Variants in COL6A1 observed in about 807,000 individuals in gnomAD.
COL6A1 encodes the protein collagen type VI alpha 1 chain, also known as collagen alpha-1(VI) chain.
Under a neutral mutation model 145.6 loss-of-function variants are expected in COL6A1, and 80 were observed. That is an observed-to-expected ratio of 0.55 (90% CI 0.46 to 0.66). The LOEUF is 0.66. Ranked by LOEUF, COL6A1 falls within the 30% of genes least tolerant of loss-of-function variation. The pLI, the probability that COL6A1 is intolerant of heterozygous loss-of-function variation, is 0.00. For missense variants in COL6A1, 1,364 were observed against 1,473.8 expected, an observed-to-expected ratio of 0.93 and a Z score of 1.22; for synonymous variants, 638 against 622.8, an observed-to-expected ratio of 1.02 and a Z score of -0.36.
At position 46,004,204 on chromosome 21, in the gene COL6A1, T is replaced by G; in HGVS notation, c.*191T>G. 2.6e-6 allele frequency: 2 copies of G among 761,174 alleles called. No individual in the cohort carries two copies. The highest frequency in any genetic ancestry group is 4.2e-6 in the Non-Finnish European group (2 of 478,168). The allele number at this position is 761,174 out of a possible 1,614,324, so 47.2% of individuals were successfully genotyped here. A position where few individuals can be genotyped will look rare whatever the true frequency, so the allele number is the denominator to read the frequency against. On this transcript the variant is annotated 3_prime_UTR_variant, in exon 35 of 35. Transcript: ENST00000361866. ...GGGTCCTCCGGGGCTCAGCCCTGAG[T>G]TGGCATCACCTGCGCAGGGCCCTCT...
chr21:45,987,226 A>C (rs768584912), intron 6 of COL6A1, 51 bp downstream of exon 6: 1 of 1,568,148 alleles, frequency 6.4e-7, no homozygotes, highest in South Asian at 1.1e-5. Flanking sequence ...ACGTCCACCC[A>C]CACGTCCACC....
At chr21:45,999,862 G>GTGAAGATCATAGGGGGACGTA (rs1569518861) in intron 27 of COL6A1, among the ~76,000 whole-genome samples, 170 bp downstream of exon 27, 3 of 117,476 alleles carry the variant, frequency 2.6e-5, no homozygotes, top group Non-Finnish European at 5.6e-5. Context: ...GGGAGGACCC[G>GTGAAGATCATAGGGGGACGTA]TGAGGATCAT....
intron 18 of COL6A1, 84 bp from the exon 19 acceptor site, chr21:45,992,664 G>A: frequency 1.4e-6 from 2 of 1,392,892 alleles, no homozygotes; most frequent in African/African-American, 1.4e-5. Context: ...GGGGGAGTCA[G>A]TCCAGGCCAG....
In COL6A1 at chr21:45,989,652, G is replaced by T; in HGVS notation, c.903G>T (p.Lys301Asn). The stretch of plus-strand genomic sequence containing the variant: ...GACCTGTTGGGTACCAGGGAATGAA[G>T]GTACGTGCCCCCCCTTTCCTGGCCC... ...DLGPVGYQGM[K>N]GEKGSRGEKG... The change falls in exon 10 of 35, where the codon AAG (lysine) becomes AAT (asparagine). Residue 301 changes from lysine (K) to asparagine (N), a missense_variant and splice_region_variant. Lys to Asn is a moderately conservative substitution (Grantham distance 94). Coordinates refer to ENST00000361866, the MANE Select transcript of COL6A1 (RefSeq NM_001848.3). 6.2e-7 allele frequency: 1 copy of T among 1,613,170 alleles called. No homozygotes were observed. The highest frequency in any genetic ancestry group is 8.5e-7 in the Non-Finnish European group (1 of 1,179,998).
At chr21:45,999,999 T>TGG (rs1556430376) in intron 27 of COL6A1, among the ~76,000 whole-genome samples, 4 of 3,518 alleles carry the variant, frequency 1.1e-3, no homozygotes, top group African/African-American at 2.1e-3. Flanking sequence ...GTGAGGATCA[T>TGG]GGGGGACCCG....
Position 45,981,877 on chromosome 21 carries a change from C to T in COL6A1, c.27C>T (p.Pro9=). ...TGAGGGCGGCCCGTGCTCTGCTGCC[C>T]CTGCTGCTGCAGGCCTGCTGGACAG... MRAARALL[P]LLLQACWTAA... is the part of the protein sequence containing the mutation. Residue 9 remains proline (P), a synonymous_variant, in exon 1 of 35, where the codon CCC becomes CCT. Transcript: ENST00000361866. 1 of 1,599,446 alleles carries T rather than the reference C, an allele frequency of 6.3e-7. No homozygotes were observed. Among genetic ancestry groups the T allele is most frequent in the Non-Finnish European group, 8.5e-7 (1 of 1,175,030 alleles).
intron 9 of COL6A1, 115 bp from the exon 10 acceptor site, chr21:45,989,490 AGGG>A: frequency 9.7e-7 from 1 of 1,030,786 alleles, no homozygotes. Context: ...CCCGTGCAGC[AGGG>A]CCCCTCTCTC....
In COL6A1 at chr21:46,003,313, C is replaced by T. The variant is rs372700572; in HGVS notation, c.2465-78C>T. On this transcript the variant is annotated intron_variant, in intron 34 of 34. Coordinates refer to ENST00000361866, the MANE Select transcript of COL6A1 (RefSeq NM_001848.3). ...ACCGTGCCGTGCCCTCTCTGGGGAG[C>T]TTAGACGCTCTCTGGCCGGCCCACT... 1,100 of 1,602,610 alleles carry T rather than the reference C, an allele frequency of 6.9e-4. 10 individuals are homozygous for T. The African/African-American group carries it at 0.013, about 19-fold the overall frequency.
chr21:45,990,873 A>G (rs757819596), intron 14 of COL6A1, 47 bp downstream of exon 14: 1 of 1,610,980 alleles, frequency 6.2e-7, no homozygotes, highest in Non-Finnish European at 8.5e-7. Flanking sequence ...CGCTGTCAGC[A>G]GCACCTCGTG....
chr21:45,997,206 C>G (rs1418496079), intron 20 of COL6A1, among the ~76,000 whole-genome samples: 1 of 151,388 alleles, frequency 6.6e-6, no homozygotes, highest in East Asian at 2.0e-4. Flanking sequence ...CAGCTGGGCG[C>G]CCACCGAAGG....
chr21:45,995,168 C>T (rs546852385), intron 20 of COL6A1, among the ~76,000 whole-genome samples: 61 of 152,346 alleles, frequency 4.0e-4, no homozygotes, highest in African/African-American at 1.4e-3. Flanking sequence ...AGATGAGGAC[C>T]AGGGCAGGGC....
intron 11 of COL6A1, among the ~76,000 whole-genome samples, chr21:45,989,992 C>A (rs948080331): frequency 3.9e-5 from 6 of 151,966 alleles, no homozygotes; most frequent in Non-Finnish European, 7.4e-5. Flanking sequence ...CACCCCACCC[C>A]AGAGCAGGGG....
intron 19 of COL6A1, among the ~76,000 whole-genome samples, chr21:45,993,102 A>G (rs565020459): frequency 6.6e-6 from 1 of 152,200 alleles, no homozygotes; most frequent in African/African-American, 2.4e-5. Flanking sequence ...TCTTTGGAAT[A>G]ATTTTCCTTA....
chr21:45,987,106 C>A (rs755507811), intron 5 of COL6A1, 34 bp downstream of exon 5: 1 of 1,570,846 alleles, frequency 6.4e-7, no homozygotes, highest in Non-Finnish European at 8.6e-7. Flanking sequence ...GGGAGGCCCG[C>A]GGCGGCCGCA....
chr21:45,987,639 C>T lies in COL6A1; in HGVS notation c.789C>T (p.Gly263=), dbSNP rs148364156. ...CAAGAGGACCTCCGGGGCTCCGGGGCGACCCCGGCTTTGAGGTGAGTGGTG... is the reference window on the plus strand; with the variant it reads ...CAAGAGGACCTCCGGGGCTCCGGGGTGACCCCGGCTTTGAGGTGAGTGGTG... The part of the protein sequence containing the change: ...QPARGPPGLR[G]DPGFEGERGK... The change falls in exon 8 of 35, where the codon GGC becomes GGT. Residue 263 remains glycine (G), a synonymous_variant. Coordinates refer to ENST00000361866, the MANE Select transcript of COL6A1 (RefSeq NM_001848.3). 27 of 1,610,092 alleles carry T rather than the reference C, an allele frequency of 1.7e-5. No homozygotes were observed. The highest frequency in any genetic ancestry group is 1.2e-4 in the African/African-American group (9 of 74,882).
intron 3 of COL6A1, 102 bp from the exon 4 acceptor site, chr21:45,986,424 T>TCCTCCCGGTGAGACAGGGACCAGCA (rs1195106943): frequency 4.0e-5 from 47 of 1,183,514 alleles, no homozygotes; most frequent in Middle Eastern, 4.2e-4. Flanking sequence ...GAGAGGCGGC[T>TCCTCCCGGTGAGACAGGGACCAGCA]CCTCCCGGTG....
At chr21:45,989,490 A>G (rs1257732883) in intron 9 of COL6A1, 118 bp from the exon 10 acceptor site, 1 of 1,030,664 alleles carries the variant, frequency 9.7e-7, no homozygotes, top group Non-Finnish European at 1.5e-6. Context: ...CCCGTGCAGC[A>G]GGGCCCCTCT....
At position 45,998,909 on chromosome 21, in the gene COL6A1, T is replaced by A; in HGVS notation, c.1624T>A (p.Tyr542Asn). 6.4e-7 allele frequency: 1 copy of A among 1,555,634 alleles called. No individual in the cohort carries two copies. The highest frequency in any genetic ancestry group is 8.7e-7 in the Non-Finnish European group (1 of 1,149,010). Residue 542 changes from tyrosine (Y) to asparagine (N), a missense_variant, in exon 25 of 35, where the codon TAC becomes AAC. Coordinates refer to ENST00000361866, the MANE Select transcript of COL6A1 (RefSeq NM_001848.3). ...CCCGTCACTGCAGGGCACGAAGGGC[T>A]ACCCCGGCCTCAAGGGGGACGAGGG... ...GAPGINGTKG[Y>N]PGLKGDEGEA...
At chr21:45,986,410 CAA>C (rs768310615) in intron 3 of COL6A1, 114 bp from the exon 4 acceptor site, 186 of 1,009,066 alleles carry the variant, frequency 1.8e-4, no homozygotes, top group Admixed American at 8.3e-4. Flanking sequence ...CCAGGATCAG[CAA>C]AGAGAGGCGG....
Sources: allele counts gnomAD v4.1 joint callset (sites outside exome capture counted in the v4.1 genomes callset), GRCh38; gene constraint gnomAD v4.1.1; transcripts MANE v1.5; gene names NCBI Gene and HGNC (gene_info 2026-07-23, HGNC 2026-07-21).